LMO7: variants seen among roughly 807,000 people sequenced by gnomAD.
LMO7 encodes LIM domain only protein 7.
LMO7 carries 120 observed loss-of-function variants against 206.5 expected under a neutral mutation model. The ratio of observed to expected loss-of-function variants is 0.58; its 90% confidence interval spans 0.50 to 0.68. The LOEUF is 0.68. Among genes scored for constraint, LMO7 ranks in the 30% least tolerant of loss-of-function variants. LMO7 has a pLI of 0.00. For synonymous variants in LMO7, 706 were observed against 681.5 expected (o/e 1.04, Z -0.56); for missense variants, 1,959 against 1,957.9 (o/e 1.00, Z -0.01).
chr13:75,845,035 G>A (rs1023916844), intron 25 of LMO7, among the ~76,000 whole-genome samples: 4 of 152,114 alleles, frequency 2.6e-5, no homozygotes, highest in Admixed American at 6.5e-5. Context: ...GGTGAACATC[G>A]ACAACAATTG....
chr13:75,795,526 T>C, intron 5 of LMO7, 95 bp downstream of exon 5: 1 of 822,890 alleles, frequency 1.2e-6, no homozygotes, highest in Non-Finnish European at 2.0e-6. Flanking sequence ...TCTACATCTC[T>C]TTTCTAATTA....
chr13:75,789,644 G>A (rs1262106637), intron 4 of LMO7, among the ~76,000 whole-genome samples: 1 of 152,096 alleles, frequency 6.6e-6, no homozygotes, highest in Non-Finnish European at 1.5e-5. Flanking sequence ...TGTGGCTCCA[G>A]CTCCCTGCTG....
intron 1 of LMO7, among the ~76,000 whole-genome samples, chr13:75,700,412 T>A (rs776181292): frequency 6.6e-6 from 1 of 152,244 alleles, no homozygotes; most frequent in African/African-American, 2.4e-5. Context: ...AACTAATAAA[T>A]GTACATGAAA....
At chr13:75,844,416 T>C (rs1212079298) in intron 25 of LMO7, among the ~76,000 whole-genome samples, 2 of 145,260 alleles carry the variant, frequency 1.4e-5, no homozygotes, top group Non-Finnish European at 3.0e-5. Context: ...TGTTTTTTTC[T>C]TTTTTTTTTT....
chr13:75,857,870 T>G, intron 30 of LMO7, 51 bp from the exon 31 acceptor site: 1 of 1,358,520 alleles, frequency 7.4e-7, no homozygotes, highest in Non-Finnish European at 1.0e-6. Context: ...ATGGCAATAT[T>G]CACGTTTCTG....
intron 10 of LMO7, among the ~76,000 whole-genome samples, chr13:75,808,757 T>C (rs760497410): frequency 3.9e-5 from 6 of 152,220 alleles, no homozygotes; most frequent in Admixed American, 6.5e-5. Context: ...GAATTTTATG[T>C]GTATGTAATC....
At chr13:75,640,973 C>T (rs2036476338) in intron 1 of LMO7, among the ~76,000 whole-genome samples, 1 of 152,214 alleles carries the variant, frequency 6.6e-6, no homozygotes, top group Non-Finnish European at 1.5e-5. Context: ...TGGGGACTTA[C>T]ATTTAGTCAT....
Position 75,804,498 on chromosome 13 carries a change from T to C in LMO7, c.871T>C (p.Trp291Arg), listed in dbSNP as rs776157558. 2.5e-6 allele frequency: 4 copies of C among 1,614,178 alleles called. No homozygotes were observed. The highest frequency in any genetic ancestry group is 3.4e-6 in the Non-Finnish European group (4 of 1,180,008). ...CAAACATGAGGATAACAGAAGAAGTTGGGCAAGCCCGGTTTATACAGAAGC... is the reference window on the plus strand; with the variant it reads ...CAAACATGAGGATAACAGAAGAAGTCGGGCAAGCCCGGTTTATACAGAAGC... ...PDKHEDNRRS[W>R]ASPVYTEADG... The change falls in exon 8 of 31, where the codon TGG becomes CGG. Residue 291 changes from tryptophan (W) to arginine (R), a missense_variant. Trp to Arg is a moderately radical substitution (Grantham distance 101, BLOSUM62 -3). Coordinates refer to ENST00000377534, the MANE Select transcript of LMO7 (RefSeq NM_001306080.2).
chr13:75,702,529 C>G (rs1011253735), intron 1 of LMO7, among the ~76,000 whole-genome samples: 1 of 152,042 alleles, frequency 6.6e-6, no homozygotes, highest in African/African-American at 2.4e-5. Context: ...TAGTATACTC[C>G]CCAATATTAT....
intron 1 of LMO7, among the ~76,000 whole-genome samples, chr13:75,710,158 ATC>A (rs1566335281): frequency 1.3e-5 from 2 of 152,050 alleles, no homozygotes; most frequent in African/African-American, 2.4e-5. Context: ...ATTGGTCTAT[ATC>A]TCTGTTTTGG....
chr13:75,625,673 C>A (rs2033957895), intron 2 of LMO7, among the ~76,000 whole-genome samples: 2 of 152,250 alleles, frequency 1.3e-5, no homozygotes, highest in South Asian at 4.2e-4. Context: ...TCCACGAAGA[C>A]CAAAGAGATT....
In LMO7 at chr13:75,849,885, T is replaced by C. The variant is rs1209334500; in HGVS notation, c.4364+593T>C. Among the ~76,000 whole-genome samples, 3 of 152,210 alleles carry C rather than the reference T, an allele frequency of 2.0e-5. No homozygotes were observed. The East Asian group carries it at 5.8e-4, about 29-fold the overall frequency. ...TTTTCTTATCTGACAGACTGGGGAA[T>C]TTATTTGTAACATATCACAGAGAAA... On this transcript the variant is annotated intron_variant, in intron 27 of 30. Coordinates refer to ENST00000377534, the MANE Select transcript of LMO7 (RefSeq NM_001306080.2).
intron 2 of LMO7, among the ~76,000 whole-genome samples, chr13:75,724,649 A>T (rs1451600056): frequency 1.3e-5 from 2 of 152,168 alleles, no homozygotes; most frequent in African/African-American, 4.8e-5. Flanking sequence ...TAAATTTCAC[A>T]GAAGTTTAGA....
intron 4 of LMO7, among the ~76,000 whole-genome samples, chr13:75,770,003 GT>G (rs2049416715): frequency 1.3e-5 from 2 of 151,998 alleles, no homozygotes; most frequent in Admixed American, 1.3e-4. Context: ...CTAACCCATA[GT>G]TATTGTTTAT....
At chr13:75,810,914 T>C (rs1194401401) in intron 11 of LMO7, among the ~76,000 whole-genome samples, 4 of 152,218 alleles carry the variant, frequency 2.6e-5, no homozygotes, top group Non-Finnish European at 5.9e-5. Flanking sequence ...GCAGCAAATG[T>C]TTTCTATCCC....
intron 1 of LMO7, among the ~76,000 whole-genome samples, chr13:75,653,488 A>G (rs2037770735): frequency 6.6e-6 from 1 of 152,256 alleles, no homozygotes; most frequent in South Asian, 2.1e-4. Flanking sequence ...ATACAGCACC[A>G]AGACAGTGCC....
chr13:75,657,019 TC>T (rs2038121001), intron 1 of LMO7, among the ~76,000 whole-genome samples: 1 of 152,310 alleles, frequency 6.6e-6, no homozygotes, highest in East Asian at 1.9e-4. Context: ...GTCGGCCAAA[TC>T]CAGTGTGATT....
chr13:75,821,365 C>T lies in LMO7; in HGVS notation c.2396C>T (p.Ala799Val), dbSNP rs551685317. The T allele has an allele frequency of 6.2e-7, 1 of 1,613,892 alleles. No homozygotes were observed. Among genetic ancestry groups the T allele is most frequent in the South Asian group, 1.1e-5 (1 of 91,034 alleles). The change falls in exon 14 of 31, where the codon GCA becomes GTA. Residue 799 changes from alanine (A) to valine (V), a missense_variant. By Grantham distance (64) the Ala-to-Val change is moderately conservative (BLOSUM62 0). Transcript: ENST00000377534. The stretch of plus-strand genomic sequence containing the variant: ...CCCAAAGAAGATTCTACCACTTTTG[C>T]AAAAAGAGAGGACCGTGTAACAACT... The part of the protein sequence containing the change: ...EIPKEDSTTF[A>V]KREDRVTTEI...
chr13:75,656,851 A>T (rs542641613), intron 1 of LMO7, among the ~76,000 whole-genome samples: 1 of 152,284 alleles, frequency 6.6e-6, no homozygotes, highest in South Asian at 2.1e-4. Context: ...TTGTTGAGTC[A>T]TCAGGCCTAG....
Sources: gnomAD v4.1 joint callset for allele counts (sites outside exome capture counted in the v4.1 genomes callset) on GRCh38, gnomAD v4.1.1 for gene constraint, MANE v1.5 for transcripts, NCBI Gene and HGNC (gene_info 2026-07-23, HGNC 2026-07-21) for gene names.